The following GGTA1 variants were observed in gnomAD, a reference collection of about 807,000 sequenced individuals.
The protein encoded by GGTA1 is glycoprotein alpha-galactosyltransferase 1 (inactive), also known as inactive N-acetyllactosaminide alpha-1,3-galactosyltransferase.
GGTA1 carries 5 observed loss-of-function variants against 2.6 expected under a neutral mutation model. The observed-to-expected ratio is 1.92, with a 90% CI of 1.00 to 4.04. The LOEUF (loss-of-function observed/expected upper bound fraction) is 4.04, where lower values mean the gene tolerates loss of function less well. Ranked by LOEUF, GGTA1 falls within the 30% of genes most tolerant of loss-of-function variation. The pLI, the probability that GGTA1 is intolerant of heterozygous loss-of-function variation, is 0.00. For synonymous variants in GGTA1, 17 were observed against 5.0 expected (o/e 3.38, Z -3.19); for missense variants, 50 against 16.7 (o/e 2.99, Z -3.47).
chr9:121,489,992 G>T (rs1026791449), intron 1 of GGTA1, among the ~76,000 whole-genome samples: 9 of 152,216 alleles, frequency 5.9e-5, no homozygotes. Context: ...TCACGTATTT[G>T]ATTATTTTTG....
At chr9:121,473,739 A>G (rs2118712687) in intron 1 of GGTA1, among the ~76,000 whole-genome samples, 1 of 152,228 alleles carries the variant, frequency 6.6e-6, no homozygotes, top group South Asian at 2.1e-4. Context: ...CAGCCTGGGC[A>G]ACATGGGGAA....
chr9:121,451,917 A>G (rs1051311472), downstream of GGTA1: 1 of 152,188 alleles, frequency 6.6e-6, no homozygotes, highest in African/African-American at 2.4e-5. Flanking sequence ...CCTGCAACCC[A>G]AGTCCCTCAT....
At chr9:121,447,614 A>C (rs1189058583) in intron 7 of GGTA1, 1 of 152,546 alleles carries the variant, frequency 6.6e-6, no homozygotes, top group African/African-American at 2.4e-5. Context: ...CAAAGAAGAA[A>C]AGCAAAACAT....
chr9:121,475,888 A>T, intron 1 of GGTA1, among the ~76,000 whole-genome samples: 1 of 152,060 alleles, frequency 6.6e-6, no homozygotes, highest in East Asian at 1.9e-4. Flanking sequence ...TTCCAGGTAA[A>T]AATTAGGCTA....
At chr9:121,488,194 G>A (rs929916779) in intron 1 of GGTA1, among the ~76,000 whole-genome samples, 1 of 152,068 alleles carries the variant, frequency 6.6e-6, no homozygotes, top group Non-Finnish European at 1.5e-5. Flanking sequence ...AGGCTGGAGT[G>A]CAGTGGCTAT....
At position 121,455,666 on chromosome 9, in the gene GGTA1, G is replaced by A. The variant is rs2064905390; in HGVS notation, c.*171C>T. On this transcript the variant is annotated 3_prime_UTR_variant, in exon 6 of 6. Coordinates refer to ENST00000481799, the MANE Select transcript of GGTA1 (RefSeq NM_001382585.1). ...TCCCTGCTCTATACCAGGTCATCCT[G>A]CTAAGCGCTGAGATGGGAGAAATGA... The A allele has an allele frequency of 3.4e-6, 1 of 293,124 alleles. No homozygotes were observed. The highest frequency in any genetic ancestry group is 6.9e-6 in the Non-Finnish European group (1 of 144,904). 18.2% of individuals were successfully genotyped at this position (293,124 alleles called of 1,614,324 possible).
At chr9:121,493,907 C>A (rs1171140965) in intron 1 of GGTA1, among the ~76,000 whole-genome samples, 1 of 152,096 alleles carries the variant, frequency 6.6e-6, no homozygotes, top group Non-Finnish European at 1.5e-5. Flanking sequence ...CAGGCACGCA[C>A]AACCACGCCC....
chr9:121,496,494 G>C (rs549632601), intron 1 of GGTA1, among the ~76,000 whole-genome samples: 8 of 152,098 alleles, frequency 5.3e-5, no homozygotes, highest in African/African-American at 1.9e-4. Context: ...ATTTTGGGAG[G>C]CTGAGGTGGT....
At chr9:121,467,953 G>C (rs1250923759) in intron 1 of GGTA1, 22 bp from the exon 2 acceptor site, 1 of 446,754 alleles carries the variant, frequency 2.2e-6, no homozygotes, top group African/African-American at 2.0e-5. Context: ...GAAGAGGGGA[G>C]AAAAAAAGAG....
intron 1 of GGTA1, among the ~76,000 whole-genome samples, chr9:121,498,618 GCA>G (rs2118793550): frequency 6.6e-6 from 1 of 152,318 alleles, no homozygotes; most frequent in South Asian, 2.1e-4. Context: ...GGCCAGGGCT[GCA>G]CCCTACATCT....
At chr9:121,454,112 G>C (rs10818538), downstream of GGTA1, among the ~76,000 whole-genome samples, 33,350 of 152,048 alleles carry the variant, frequency 0.22, 4,316 homozygotes, top group Middle Eastern at 0.3. Flanking sequence ...GTGCTCTCCT[G>C]GTTCACCACA....
chr9:121,471,720 A>G (rs991181602), intron 1 of GGTA1, among the ~76,000 whole-genome samples: 6 of 152,184 alleles, frequency 3.9e-5, no homozygotes, highest in Admixed American at 1.3e-4. Context: ...GGGTAAAGAT[A>G]GTCTCAGGCC....
At chr9:121,445,091 C>T (rs559777574) in exon 8 of GGTA1, 1 of 152,242 alleles carries the variant, frequency 6.6e-6, no homozygotes, top group Non-Finnish European at 1.5e-5. Flanking sequence ...GGGATTTAAA[C>T]TTTAATGAAG....
At chr9:121,495,066 A>G (rs1828961325) in intron 1 of GGTA1, among the ~76,000 whole-genome samples, 1 of 151,692 alleles carries the variant, frequency 6.6e-6, no homozygotes, top group Non-Finnish European at 1.5e-5. Context: ...CTGGGATTAC[A>G]GGATTACCAC....
chr9:121,464,482 A>G (rs530627279), intron 2 of GGTA1, among the ~76,000 whole-genome samples: 8 of 152,172 alleles, frequency 5.3e-5, no homozygotes, highest in African/African-American at 1.9e-4. Context: ...ACACACCACC[A>G]TGCCTGGCTA....
rs1027496475 is a variant in GGTA1 at position 121,476,969 on chromosome 9, G to A, written c.-9-9038C>T. Among the ~76,000 whole-genome samples, 3 of 152,182 alleles carry A rather than the reference G, an allele frequency of 2.0e-5. No homozygotes were observed. The highest frequency in any genetic ancestry group is 4.4e-5 in the Non-Finnish European group (3 of 68,036). On this transcript the variant is annotated intron_variant, in intron 1 of 5. Transcript: ENST00000481799. The surrounding 1 kb of genome is among the most constrained non-coding windows in gnomAD (Gnocchi z 4.6). The stretch of plus-strand genomic sequence containing the variant: ...TCCCAGAAACAACCGGTCCCAGGTG[G>A]ACCTTGTTGAGCACCTGGGCCCCTC...
chr9:121,451,185 C>A (rs1286711974), downstream of GGTA1, among the ~76,000 whole-genome samples: 1 of 151,874 alleles, frequency 6.6e-6, no homozygotes, highest in Non-Finnish European at 1.5e-5. Context: ...AGAGCTAGAA[C>A]TTTCTTTCTT....
At chr9:121,475,301 G>T (rs1828485157) in intron 1 of GGTA1, among the ~76,000 whole-genome samples, 1 of 152,136 alleles carries the variant, frequency 6.6e-6, no homozygotes, top group Non-Finnish European at 1.5e-5. Flanking sequence ...GGTCTAAAAA[G>T]GGGAGCCATG....
chr9:121,489,385 G>T (rs113567500), intron 1 of GGTA1, among the ~76,000 whole-genome samples: 7 of 151,990 alleles, frequency 4.6e-5, no homozygotes, highest in African/African-American at 1.7e-4. Flanking sequence ...TTCTTTAGAG[G>T]TGAGGTCTTA....
Sources: allele counts gnomAD v4.1 joint callset (sites outside exome capture counted in the v4.1 genomes callset), GRCh38; gene constraint gnomAD v4.1.1; non-coding constraint Gnocchi (gnomAD v3.1); transcripts MANE v1.5; gene names NCBI Gene and HGNC (gene_info 2026-07-23, HGNC 2026-07-21).